OTUD7A: variants seen among roughly 807,000 people sequenced by gnomAD.
OTUD7A encodes the protein OTU domain-containing protein 7A.
OTUD7A carries 12 observed loss-of-function variants against 65.7 expected under a neutral mutation model. That is an observed-to-expected ratio of 0.18 (90% confidence interval 0.12 to 0.30). The LOEUF (loss-of-function observed/expected upper bound fraction) is 0.30, where lower values mean the gene tolerates loss of function less well. Ranked by LOEUF, OTUD7A falls within the 10% of genes least tolerant of loss-of-function variation. OTUD7A has a pLI of 1.00. For missense variants in OTUD7A, 1,148 were observed against 1,304.8 expected (o/e 0.88, Z 1.85); for synonymous variants, 641 against 586.3 (o/e 1.09, Z -1.35).
intron 8 of OTUD7A, among the ~76,000 whole-genome samples, chr15:31,507,985 G>A (rs1044433879): frequency 9.2e-5 from 14 of 152,074 alleles, no homozygotes; most frequent in African/African-American, 3.4e-4. Flanking sequence ...AGAGGGCCAG[G>A]ACATAAATAT....
At chr15:31,592,976 T>C (rs1889793329) in intron 3 of OTUD7A, among the ~76,000 whole-genome samples, 1 of 137,166 alleles carries the variant, frequency 7.3e-6, no homozygotes, top group African/African-American at 2.8e-5. Flanking sequence ...TATATATATA[T>C]ATAGAAGGCA....
intron 6 of OTUD7A, among the ~76,000 whole-genome samples, chr15:31,530,250 A>G (rs1001106260): frequency 6.6e-6 from 1 of 152,058 alleles, no homozygotes; most frequent in Non-Finnish European, 1.5e-5. Context: ...CTGCTCCCAA[A>G]ACTTCCTACT....
intron 3 of OTUD7A, among the ~76,000 whole-genome samples, chr15:31,605,137 G>C (rs1195124019): frequency 1.3e-5 from 2 of 152,166 alleles, no homozygotes; most frequent in African/African-American, 4.8e-5. Context: ...TGCATTTTGG[G>C]TGGGAGTTAG....
intron 3 of OTUD7A, among the ~76,000 whole-genome samples, chr15:31,654,662 T>C (rs1392358399): frequency 1.3e-5 from 2 of 152,290 alleles, no homozygotes; most frequent in East Asian, 3.9e-4. Context: ...TATGGCTGAA[T>C]ACATATCTGA....
chr15:31,863,549 G>A (rs1897799765), intron 1 of OTUD7A, among the ~76,000 whole-genome samples: 1 of 152,202 alleles, frequency 6.6e-6, no homozygotes, highest in African/African-American at 2.4e-5. Context: ...TCCACCCTCT[G>A]AAGTCACAGC....
At chr15:31,677,121 C>T (rs1892611629) in intron 1 of OTUD7A, among the ~76,000 whole-genome samples, 1 of 152,144 alleles carries the variant, frequency 6.6e-6, no homozygotes, top group South Asian at 2.1e-4. Context: ...CAGGCCTGGC[C>T]CCAGTCTCCC....
chr15:31,864,165 C>T (rs947069883), intron 1 of OTUD7A, among the ~76,000 whole-genome samples: 4 of 152,186 alleles, frequency 2.6e-5, no homozygotes, highest in African/African-American at 9.7e-5. Context: ...TTTGTCAAAG[C>T]CACTCAACAA....
Position 31,784,448 on chromosome 15 carries a change from G to A in OTUD7A, c.-100+86059C>T, listed in dbSNP as rs1334385391. On this transcript the variant is annotated intron_variant, in intron 1 of 12. Transcript: ENST00000307050. ...GAAATTTACTAAAACATAAAACAAT[G>A]CCATCCTTTTCGTGATATTTTTTGT... Among the ~76,000 whole-genome samples the A allele has an allele frequency of 2.6e-5, 4 of 151,984 alleles. No individual in the cohort carries two copies. In the East Asian group the frequency reaches 7.7e-4, roughly 29 times the overall value.
At position 31,549,174 on chromosome 15, in the gene OTUD7A, A is replaced by C. The variant is rs954866951; in HGVS notation, c.550+9795T>G. On this transcript the variant is annotated intron_variant, in intron 5 of 12. Transcript: ENST00000307050. Reference sequence around the variant, plus strand: ...AAAAAAAAAGTAGAATTCAGTCCAAATGCATGCCTGCCTCTAGGCACAGTG... The same window carrying C: ...AAAAAAAAAGTAGAATTCAGTCCAACTGCATGCCTGCCTCTAGGCACAGTG... 2.6e-5 allele frequency among the ~76,000 whole-genome samples: 4 copies of C among 151,946 alleles called. No homozygotes were observed. The East Asian group carries it at 7.7e-4, about 29-fold the overall frequency.
At chr15:31,826,749 C>T (rs906397060) in intron 1 of OTUD7A, among the ~76,000 whole-genome samples, 10 of 152,184 alleles carry the variant, frequency 6.6e-5, no homozygotes, top group African/African-American at 1.2e-4. Context: ...TCTAATTCAC[C>T]GCTTGAATGC....
chr15:31,621,865 G>C (rs12910103), intron 3 of OTUD7A, among the ~76,000 whole-genome samples: 26,817 of 151,482 alleles, frequency 0.18, 2,585 homozygotes, highest in East Asian at 0.25. Context: ...TAGCATCGAT[G>C]GTCTTTTCAA....
intron 1 of OTUD7A, among the ~76,000 whole-genome samples, chr15:31,778,740 TCA>T (rs750221714): frequency 4.0e-5 from 6 of 150,454 alleles, no homozygotes; most frequent in East Asian, 1.9e-4. Flanking sequence ...TCTCTCTCTC[TCA>T]CACACACACA....
intron 3 of OTUD7A, among the ~76,000 whole-genome samples, chr15:31,591,675 T>C (rs1428945197): frequency 6.6e-6 from 1 of 152,160 alleles, no homozygotes; most frequent in African/African-American, 2.4e-5. Context: ...TAGGTCTGTC[T>C]CTCTCCCCCA....
At chr15:31,776,144 G>A (rs1895373327) in intron 1 of OTUD7A, among the ~76,000 whole-genome samples, 1 of 152,200 alleles carries the variant, frequency 6.6e-6, no homozygotes, top group Non-Finnish European at 1.5e-5. Flanking sequence ...TATGCTTCGG[G>A]CTGCCCCTGA....
intron 8 of OTUD7A, among the ~76,000 whole-genome samples, chr15:31,525,996 A>G (rs2042006105): frequency 6.6e-6 from 1 of 152,214 alleles, no homozygotes; most frequent in Non-Finnish European, 1.5e-5. Context: ...AATGCTCACC[A>G]TCACGTGTGA....
chr15:31,614,439 G>A (rs1457275642), intron 3 of OTUD7A, among the ~76,000 whole-genome samples: 1 of 152,030 alleles, frequency 6.6e-6, no homozygotes, highest in African/African-American at 2.4e-5. Flanking sequence ...TAAAACTGCT[G>A]AAAACCTATG....
intron 1 of OTUD7A, among the ~76,000 whole-genome samples, chr15:31,834,489 G>C (rs760073421): frequency 9.9e-5 from 15 of 152,160 alleles, no homozygotes; most frequent in Non-Finnish European, 2.1e-4. Flanking sequence ...AAATATTAGT[G>C]AACATTTTAT....
At chr15:31,561,740 C>T (rs1364395939) in intron 4 of OTUD7A, among the ~76,000 whole-genome samples, 3 of 151,678 alleles carry the variant, frequency 2.0e-5, no homozygotes, top group Non-Finnish European at 4.4e-5. Context: ...TCCTGTGACA[C>T]CCCAGGAATG....
intron 1 of OTUD7A, among the ~76,000 whole-genome samples, chr15:31,749,844 C>G (rs189328894): frequency 3.1e-4 from 47 of 152,106 alleles, no homozygotes; most frequent in African/African-American, 1.1e-3. Flanking sequence ...GGCACTAGAT[C>G]TGATAAACAT....
Sources: gnomAD v4.1 joint callset for allele counts (sites outside exome capture counted in the v4.1 genomes callset) on GRCh38, gnomAD v4.1.1 for gene constraint, MANE v1.5 for transcripts, NCBI Gene and HGNC (gene_info 2026-07-23, HGNC 2026-07-21) for gene names.